Variants in ATP5MC3 observed in about 807,000 individuals in gnomAD.
ATP5MC3 encodes ATP synthase F(0) complex subunit C3, mitochondrial.
In ATP5MC3, 6 loss-of-function variants were observed where a neutral mutation model predicts 15.6. That is an observed-to-expected ratio of 0.38 (90% CI 0.21 to 0.76). ATP5MC3 has a LOEUF of 0.76. Ranked by LOEUF, ATP5MC3 falls within the 30% of genes least tolerant of loss-of-function variation. The pLI is 0.44. For missense variants in ATP5MC3, 132 were observed against 171.2 expected (o/e 0.77, Z 1.28); for synonymous variants, 66 against 63.3 (o/e 1.04, Z -0.20).
At position 175,177,511 on chromosome 2, in the gene ATP5MC3, C is replaced by T. The variant is rs1442800096; in HGVS notation, c.*777G>A. The T allele has an allele frequency of 6.6e-6, 1 of 152,134 alleles. No individual in the cohort carries two copies. 9.4% of individuals were successfully genotyped at this position (152,134 alleles called of 1,614,324 possible). A position where few individuals can be genotyped will look rare whatever the true frequency, so the allele number is the denominator to read the frequency against. On this transcript the variant is annotated 3_prime_UTR_variant, in exon 5 of 5. Coordinates refer to ENST00000284727, the MANE Select transcript of ATP5MC3 (RefSeq NM_001689.5). ...ATACTGTTGAACCAGCTATCATCCC[C>T]AAGACTCCCACTATAAACATGTTAG...
Position 175,181,408 on chromosome 2 carries a change from G to A in ATP5MC3, c.-15C>T, listed in dbSNP as rs754405934. The A allele has an allele frequency of 1.1e-5, 18 of 1,613,528 alleles. 1 individual carries two copies. In the South Asian group the frequency reaches 1.7e-4, roughly 15 times the overall value. On this transcript the variant is annotated 5_prime_UTR_variant, in exon 2 of 5. Transcript: ENST00000284727. ...CAGGCGAACATCTTACACTCTTCGG[G>A]ACTGCGCGGCTGGAGATATTGGGTG...
At chr2:175,179,346 A>G in intron 3 of ATP5MC3, 96 bp from the exon 4 acceptor site, 1 of 1,415,096 alleles carries the variant, frequency 7.1e-7, no homozygotes, top group Non-Finnish European at 9.3e-7. Context: ...CTACTTTTTT[A>G]TTTTGTAGCT....
chr2:175,180,313 G>C, intron 2 of ATP5MC3, 135 bp from the exon 3 acceptor site: 1 of 567,492 alleles, frequency 1.8e-6, no homozygotes, highest in South Asian at 3.5e-5. Context: ...TTGACTCTTT[G>C]CTGTTTGGTC....
Position 175,178,470 on chromosome 2 carries a change from A to C in ATP5MC3, c.315-68T>G, listed in dbSNP as rs111351205. ...TCAACATGTTTGGTAAATGTTAAAG[A>C]ATCAGATTACTAGTGTGGGGATTTT... is the stretch of plus-strand genomic sequence containing the variant. On this transcript the variant is annotated intron_variant, in intron 4 of 4. Transcript: ENST00000284727. 5.5e-4 allele frequency: 841 copies of C among 1,538,524 alleles called. 6 individuals are homozygous for C. In the African/African-American group the frequency reaches 0.01, roughly 19 times the overall value.
chr2:175,178,979 A>G, intron 4 of ATP5MC3, 78 bp downstream of exon 4: 1 of 1,551,516 alleles, frequency 6.4e-7, no homozygotes, highest in Non-Finnish European at 8.7e-7. Context: ...CTTAATGCAA[A>G]GTAGCTATTA....
At chr2:175,180,030 C>G in intron 3 of ATP5MC3, 68 bp downstream of exon 3, 1 of 1,305,496 alleles carries the variant, frequency 7.7e-7, no homozygotes, top group Non-Finnish European at 1.1e-6. Context: ...AGTTTTTTTC[C>G]TTCACTCTAA....
chr2:175,181,375 G>C lies in ATP5MC3; in HGVS notation c.19C>G (p.Leu7Val). The C allele has an allele frequency of 6.2e-7, 1 of 1,613,920 alleles. No homozygotes were observed. Among genetic ancestry groups the C allele is most frequent in the East Asian group, 2.2e-5 (1 of 44,856 alleles). Reference protein sequence around the residue: MFACAKLACTPSLIRAG... With the variant: MFACAKVACTPSLIRAG... The stretch of plus-strand genomic sequence containing the variant: ...CGCACCAGAGAGGGGGTGCAGGCGA[G>C]CTTGGCGCAGGCGAACATCTTACAC... Residue 7 changes from leucine to valine, a missense_variant, in exon 2 of 5, where the codon CTC (leucine) becomes GTC (valine). Leu to Val is a conservative substitution (Grantham distance 32, BLOSUM62 1). Transcript: ENST00000284727.
In ATP5MC3 at chr2:175,178,234, C is replaced by A; in HGVS notation, c.*54G>T. ...CAGTTTTCGGAGTCACAGTAAGATA[C>A]ACAGAATTACATCCGTAATTAATAT... On this transcript the variant is annotated 3_prime_UTR_variant, in exon 5 of 5. Transcript: ENST00000284727. 1 of 1,579,542 alleles carries A rather than the reference C, an allele frequency of 6.3e-7. No individual in the cohort carries two copies. The highest frequency in any genetic ancestry group is 1.2e-5 in the South Asian group (1 of 84,240).
At position 175,179,004 on chromosome 2, in the gene ATP5MC3, T is replaced by C. The variant is rs1014580252; in HGVS notation, c.314+53A>G. ...AGTAGCTATTATTTCAGTAGCTAAG[T>C]TTCCAACTACTGCAAGCATGCTCTT... On this transcript the variant is annotated intron_variant, in intron 4 of 4. Coordinates refer to ENST00000284727, the MANE Select transcript of ATP5MC3 (RefSeq NM_001689.5). 6 of 1,581,034 alleles carry C rather than the reference T, an allele frequency of 3.8e-6. No homozygotes were observed. The African/African-American group carries it at 8.1e-5, about 21-fold the overall frequency.
chr2:175,176,363 A>AGTAGT lies in ATP5MC3; in HGVS notation c.*1924_*1925insACTAC, dbSNP rs945006328. On this transcript the variant is annotated 3_prime_UTR_variant, in exon 5 of 5. Transcript: ENST00000284727. ...ATTTTATACTATGTACTTTGTATTA[A>AGTAGT]ATAGTAGTTTCAGTAAGACATGTAA... The AGTAGT allele has an allele frequency of 1.1e-3, 4 of 3,592 alleles. No individual in the cohort carries two copies. In the East Asian group the frequency reaches 0.077, roughly 69 times the overall value. The allele number at this position is 3,592 out of a possible 1,614,324, so 0.2% of individuals were successfully genotyped here.
At position 175,178,171 on chromosome 2, in the gene ATP5MC3, C is replaced by T. The variant is rs890123484; in HGVS notation, c.*117G>A. ...AAAGTTTTCATCTTTAATGAAATGA[C>T]TTTGGAAATAACGTACATTCCCATG... On this transcript the variant is annotated 3_prime_UTR_variant, in exon 5 of 5. Transcript: ENST00000284727. The T allele has an allele frequency of 6.9e-7, 1 of 1,454,484 alleles. No homozygotes were observed. The highest frequency in any genetic ancestry group is 9.1e-7 in the Non-Finnish European group (1 of 1,103,300). The allele number at this position is 1,454,484 out of a possible 1,614,324, so 90.1% of individuals were successfully genotyped here.
Position 175,177,455 on chromosome 2 carries a change from C to A in ATP5MC3, c.*833G>T, listed in dbSNP as rs567368388. 1 of 152,218 alleles carries A rather than the reference C, an allele frequency of 6.6e-6. No individual in the cohort carries two copies. The highest frequency in any genetic ancestry group is 2.1e-4 in the South Asian group (1 of 4,832). 9.4% of individuals were successfully genotyped at this position (152,218 alleles called of 1,614,324 possible). On this transcript the variant is annotated 3_prime_UTR_variant, in exon 5 of 5. Transcript: ENST00000284727. ...CTTCCTTTGAATGGGAAAAGTTTGA[C>A]CAAGAAGCAACATAAAGTATTAGCA...
intron 4 of ATP5MC3, 24 bp from the exon 5 acceptor site, chr2:175,178,426 T>C: frequency 6.4e-7 from 1 of 1,571,128 alleles, no homozygotes; most frequent in Non-Finnish European, 8.6e-7. Flanking sequence ...CATATGACTG[T>C]TACTTTGAAA....
At chr2:175,179,813 T>C in intron 3 of ATP5MC3, 1 of 358,688 alleles carries the variant, frequency 2.8e-6, no homozygotes, top group Non-Finnish European at 5.0e-6. Flanking sequence ...TCCAATAGAG[T>C]ACATTTTTCA....
chr2:175,179,952 C>G, intron 3 of ATP5MC3, 146 bp downstream of exon 3: 1 of 623,520 alleles, frequency 1.6e-6, no homozygotes, highest in Non-Finnish European at 2.6e-6. Context: ...CTATTTTTGG[C>G]TATTTGGCTC....
At chr2:175,181,204 G>A (rs1700764228) in intron 2 of ATP5MC3, 151 bp downstream of exon 2, 1 of 983,628 alleles carries the variant, frequency 1.0e-6, no homozygotes, top group Non-Finnish European at 1.5e-6. Context: ...CTAAGATTAG[G>A]AAGAAAACGG....
rs1700779616 is a variant in ATP5MC3 at position 175,181,708 on chromosome 2, A to C, written c.-126T>G. The C allele has an allele frequency of 2.7e-6, 1 of 373,642 alleles. No individual in the cohort carries two copies. The highest frequency in any genetic ancestry group is 4.8e-6 in the Non-Finnish European group (1 of 207,838). The allele number at this position is 373,642 out of a possible 1,614,324, so 23.1% of individuals were successfully genotyped here. Reference sequence around the variant, plus strand: ...CTGCGGCAGAGGTCGAAGGAGTGGGACTCAATGCGCAAGCGCGGTCCGGCT... The same window carrying C: ...CTGCGGCAGAGGTCGAAGGAGTGGGCCTCAATGCGCAAGCGCGGTCCGGCT... On this transcript the variant is annotated 5_prime_UTR_variant, in exon 1 of 5. Transcript: ENST00000284727.
At chr2:175,178,726 A>ATTTTT in intron 4 of ATP5MC3, 1 of 1,159,726 alleles carries the variant, frequency 8.6e-7, no homozygotes, top group Non-Finnish European at 1.1e-6. Context: ...CTTTTAAGGA[A>ATTTTT]TGTGCTCTAA....
Position 175,179,815 on chromosome 2 carries a change from C to T in ATP5MC3, c.120+283G>A, listed in dbSNP as rs200781885. The stretch of plus-strand genomic sequence containing the variant: ...CCACCGCATCCAGTCCAATAGAGTA[C>T]ATTTTTCAATAACTGTAGCTATTAT... On this transcript the variant is annotated intron_variant, in intron 3 of 4. Coordinates refer to ENST00000284727, the MANE Select transcript of ATP5MC3 (RefSeq NM_001689.5). 2.7e-5 allele frequency: 10 copies of T among 364,872 alleles called. No homozygotes were observed. In the East Asian group the frequency reaches 7.1e-4, roughly 26 times the overall value. The allele number at this position is 364,872 out of a possible 1,614,324, so 22.6% of individuals were successfully genotyped here.
Sources: allele counts gnomAD v4.1 joint callset, GRCh38; gene constraint gnomAD v4.1.1; transcripts MANE v1.5; gene names NCBI Gene and HGNC (gene_info 2026-07-23, HGNC 2026-07-21).